Variants in DAW1 observed in about 807,000 individuals in gnomAD.
DAW1 encodes dynein assembly factor with WD repeat domains 1.
DAW1 carries 47 observed loss-of-function variants against 56.5 expected under a neutral mutation model. The observed-to-expected ratio is 0.83, with a 90% CI of 0.66 to 1.06. DAW1 has a LOEUF of 1.06. Ranked by LOEUF, DAW1 falls within the 50% of genes least tolerant of loss-of-function variation. DAW1 has a pLI of 0.00. For missense variants in DAW1, 505 were observed against 499.3 expected, an observed-to-expected ratio of 1.01 and a Z score of -0.11; for synonymous variants, 190 against 179.0, an observed-to-expected ratio of 1.06 and a Z score of -0.49.
chr2:227,871,792 T>C (rs745740983), intron 1 of DAW1, 63 bp downstream of exon 1: 446 of 1,603,518 alleles, frequency 2.8e-4, no homozygotes, highest in Non-Finnish European at 3.5e-4. Context: ...CTGGGAGGGT[T>C]TGGGGCGGAG....
At chr2:227,911,278 G>A (rs1691816375) in intron 10 of DAW1, among the ~76,000 whole-genome samples, 7 of 136,942 alleles carry the variant, frequency 5.1e-5, no homozygotes, top group Middle Eastern at 3.6e-3. Context: ...ACATATACAC[G>A]TGTATATATA....
In DAW1 at chr2:227,918,766, C is replaced by T. The variant is rs760157403; in HGVS notation, c.974-14C>T. On this transcript the variant is annotated splice_polypyrimidine_tract_variant and intron_variant, in intron 10 of 12. Transcript: ENST00000309931. ...TAAGATGAATTTATATATATCCCCA[C>T]CCCTCTCAAAAAGGAACAGCAAGAA... The T allele has an allele frequency of 1.9e-6, 3 of 1,613,572 alleles. No individual in the cohort carries two copies. The highest frequency in any genetic ancestry group is 1.7e-6 in the Non-Finnish European group (2 of 1,179,676).
chr2:227,886,666 G>A (rs1691137663), intron 2 of DAW1, among the ~76,000 whole-genome samples: 1 of 152,132 alleles, frequency 6.6e-6, no homozygotes, highest in Non-Finnish European at 1.5e-5. Context: ...CAAGGCCAAG[G>A]CCAAGTGTGG....
chr2:227,894,645 GA>G (rs1228154287), intron 5 of DAW1, among the ~76,000 whole-genome samples: 1 of 152,022 alleles, frequency 6.6e-6, no homozygotes, highest in Non-Finnish European at 1.5e-5. Context: ...TGCCAGGCAG[GA>G]AAAAAATGTG....
At chr2:227,872,020 G>A (rs1690763334) in intron 1 of DAW1, 3 of 462,164 alleles carry the variant, frequency 6.5e-6, no homozygotes, top group Non-Finnish European at 1.2e-5. Flanking sequence ...TCTCTGCTAT[G>A]GACCTTTAAA....
intron 1 of DAW1, among the ~76,000 whole-genome samples, chr2:227,873,785 A>T (rs1003693566): frequency 1.3e-4 from 20 of 152,176 alleles, no homozygotes; most frequent in Non-Finnish European, 2.4e-4. Context: ...GATTCAAATG[A>T]TTCTCATCCC....
chr2:227,921,656 AC>A, intron 12 of DAW1, 95 bp downstream of exon 12: 1 of 1,342,520 alleles, frequency 7.4e-7, no homozygotes, highest in Non-Finnish European at 1.0e-6. Context: ...CCCATTCCCT[AC>A]CTCTTTTCTG....
At chr2:227,922,222 G>A (rs1692126584) in intron 12 of DAW1, among the ~76,000 whole-genome samples, 1 of 152,236 alleles carries the variant, frequency 6.6e-6, no homozygotes, top group Admixed American at 6.5e-5. Flanking sequence ...ATTCTCCCCA[G>A]TTGGCTTTAC....
chr2:227,873,106 G>A (rs1347373557), intron 1 of DAW1, among the ~76,000 whole-genome samples: 1 of 152,110 alleles, frequency 6.6e-6, no homozygotes, highest in Non-Finnish European at 1.5e-5. Context: ...TTAAGAGAGG[G>A]CCTTTCACTC....
intron 4 of DAW1, among the ~76,000 whole-genome samples, chr2:227,893,270 G>A (rs1449872997): frequency 2.0e-5 from 3 of 149,848 alleles, no homozygotes; most frequent in South Asian, 2.1e-4. Flanking sequence ...ACTCTGTCTC[G>A]GGGGTGGGGT....
At position 227,924,193 on chromosome 2, in the gene DAW1, G is replaced by A. The variant is rs574508586; in HGVS notation, c.*225G>A. 463 of 541,270 alleles carry A rather than the reference G, an allele frequency of 8.6e-4. 1 individual carries two copies. The highest frequency in any genetic ancestry group is 1.6e-3 in the South Asian group (50 of 32,202). The allele number at this position is 541,270 out of a possible 1,614,324, so 33.5% of individuals were successfully genotyped here. Reference sequence around the variant, plus strand: ...GATGGCAGGACACAGCATAATGTTTGGCTAATGCCACCAGTTATTTCAGTT... The same window carrying A: ...GATGGCAGGACACAGCATAATGTTTAGCTAATGCCACCAGTTATTTCAGTT... On this transcript the variant is annotated 3_prime_UTR_variant, in exon 13 of 13. Transcript: ENST00000309931.
intron 10 of DAW1, among the ~76,000 whole-genome samples, chr2:227,911,378 A>C (rs888504966): frequency 6.8e-6 from 1 of 147,746 alleles, no homozygotes; most frequent in Non-Finnish European, 1.5e-5. Flanking sequence ...ATGATTATAT[A>C]TATTATATAT....
intron 12 of DAW1, among the ~76,000 whole-genome samples, chr2:227,921,890 G>A (rs1172081113): frequency 1.3e-5 from 2 of 152,186 alleles, no homozygotes; most frequent in South Asian, 2.1e-4. Flanking sequence ...AGTCAGCCAG[G>A]CGCATTGGCT....
intron 5 of DAW1, among the ~76,000 whole-genome samples, chr2:227,896,508 G>A (rs1254026659): frequency 2.0e-5 from 3 of 151,992 alleles, no homozygotes; most frequent in Non-Finnish European, 4.4e-5. Flanking sequence ...TTATGTATGC[G>A]TGAATGCAGT....
chr2:227,889,780 T>G, intron 2 of DAW1, 76 bp from the exon 3 acceptor site: 8 of 1,224,506 alleles, frequency 6.5e-6, no homozygotes, highest in Non-Finnish European at 8.8e-6. Context: ...AGCAATACAA[T>G]CAATTCTTCA....
intron 1 of DAW1, 36 bp from the exon 2 acceptor site, chr2:227,885,315 G>A (rs570120239): frequency 2.4e-5 from 34 of 1,427,728 alleles, no homozygotes; most frequent in East Asian, 4.9e-5. Context: ...GGTGGTTATC[G>A]TAAGTGTTTT....
At chr2:227,911,260 G>A (rs1691811361) in intron 10 of DAW1, among the ~76,000 whole-genome samples, 1 of 128,046 alleles carries the variant, frequency 7.8e-6, no homozygotes, top group Non-Finnish European at 1.7e-5. Flanking sequence ...ATATACACGT[G>A]TATATACACA....
intron 1 of DAW1, among the ~76,000 whole-genome samples, chr2:227,878,861 C>T (rs1257476088): frequency 3.4e-5 from 5 of 145,938 alleles, no homozygotes; most frequent in African/African-American, 7.7e-5. Context: ...AATCTCAACT[C>T]ATTGCAATGT....
At chr2:227,882,670 T>C (rs1431282292) in intron 1 of DAW1, among the ~76,000 whole-genome samples, 3 of 152,216 alleles carry the variant, frequency 2.0e-5, no homozygotes, top group Non-Finnish European at 2.9e-5. Context: ...GAATTATAAT[T>C]CCCATAATCC....
Sources: gnomAD v4.1 joint callset for allele counts (sites outside exome capture counted in the v4.1 genomes callset) on GRCh38, gnomAD v4.1.1 for gene constraint, MANE v1.5 for transcripts, NCBI Gene and HGNC (gene_info 2026-07-23, HGNC 2026-07-21) for gene names.